Variants in TPH1 observed in about 807,000 individuals in gnomAD.
The protein encoded by TPH1 is tryptophan 5-hydroxylase 1.
In TPH1, 37 loss-of-function variants were observed where a neutral mutation model predicts 49.5. The ratio of observed to expected loss-of-function variants is 0.75; its 90% CI spans 0.58 to 0.98. TPH1 has a LOEUF of 0.98. Ranked by LOEUF, TPH1 falls within the 50% of genes least tolerant of loss-of-function variation. The probability of loss-of-function intolerance (pLI) is 0.00; values close to 1 mark genes in which losing one functional copy is unlikely to be tolerated. For synonymous variants in TPH1, 160 were observed against 182.1 expected (o/e 0.88, Z 0.98); for missense variants, 487 against 523.6 (o/e 0.93, Z 0.68).
Position 18,019,880 on chromosome 11 carries a change from T to G in TPH1, c.*1111A>C, listed in dbSNP as rs1854337847. 1 of 388,418 alleles carries G rather than the reference T, an allele frequency of 2.6e-6. No homozygotes were observed. The highest frequency in any genetic ancestry group is 2.1e-5 in the African/African-American group (1 of 47,770). The allele number at this position is 388,418 out of a possible 1,614,324, so 24.1% of individuals were successfully genotyped here. A position where few individuals can be genotyped will look rare whatever the true frequency, so the allele number is the denominator to read the frequency against. ...AACCATTCCTTGGCAATCCTTACAT[T>G]ACTTACAGTCTCAGTCCTAAACCAC... On this transcript the variant is annotated 3_prime_UTR_variant, in exon 11 of 11. Coordinates refer to ENST00000682019, the MANE Select transcript of TPH1 (RefSeq NM_004179.3).
chr11:18,031,334 T>A (rs1010259654), intron 4 of TPH1, among the ~76,000 whole-genome samples: 2 of 152,246 alleles, frequency 1.3e-5, no homozygotes, highest in African/African-American at 2.4e-5. Flanking sequence ...TTTGCTTATA[T>A]AAATATACCA....
chr11:18,037,357 CAA>C (rs149722166), intron 2 of TPH1, among the ~76,000 whole-genome samples: 296 of 132,400 alleles, frequency 2.2e-3, no homozygotes, highest in African/African-American at 3.2e-3. Context: ...GACCCTTTCT[CAA>C]AAAAAAAAAA....
intron 1 of TPH1, among the ~76,000 whole-genome samples, chr11:18,044,219 C>T (rs1252790856): frequency 2.0e-5 from 3 of 152,022 alleles, no homozygotes; most frequent in South Asian, 2.1e-4. Context: ...GTCAAGAGAG[C>T]GAGACCATCC....
intron 3 of TPH1, 148 bp from the exon 4 acceptor site, chr11:18,033,522 G>C (rs1848014448): frequency 1.5e-6 from 1 of 648,124 alleles, no homozygotes; most frequent in South Asian, 2.0e-5. Flanking sequence ...ATATGAGTTA[G>C]GTAAATTGCC....
chr11:18,038,078 G>A (rs1415810366), intron 2 of TPH1, among the ~76,000 whole-genome samples: 2 of 152,146 alleles, frequency 1.3e-5, no homozygotes, highest in African/African-American at 4.8e-5. Context: ...GAAGACGAGT[G>A]GAAAAGAAGT....
At chr11:18,043,433 C>T (rs551855754) in intron 1 of TPH1, among the ~76,000 whole-genome samples, 9 of 152,060 alleles carry the variant, frequency 5.9e-5, no homozygotes, top group African/African-American at 1.7e-4. Flanking sequence ...GGTGAAACCC[C>T]GTCTCTACTA....
Position 18,035,980 on chromosome 11 carries a change from T to C in TPH1, c.280A>G (p.Asn94Asp), listed in dbSNP as rs1848044893. 1 of 1,611,944 alleles carries C rather than the reference T, an allele frequency of 6.2e-7. No homozygotes were observed. Among genetic ancestry groups the C allele is most frequent in the Non-Finnish European group, 8.5e-7 (1 of 1,179,864 alleles). ...TNVLSVNLPD[N>D]FTLKEDGMET... is the part of the protein sequence containing the mutation. The stretch of plus-strand genomic sequence containing the variant: ...TTACCATCTTCCTTCAAAGTAAAAT[T>C]ATCTGGTAGATTCACAGAGAGAACA... The change falls in exon 3 of 11, where the codon AAT becomes GAT. Residue 94 changes from asparagine (N) to aspartate (D), a missense_variant. Physicochemically the swap from Asn to Asp is conservative, Grantham distance 23. Coordinates refer to ENST00000682019, the MANE Select transcript of TPH1 (RefSeq NM_004179.3).
Position 18,039,362 on chromosome 11 carries a change from G to A in TPH1, c.117+1284C>T, listed in dbSNP as rs1386903228. ...TTTATGGACATAAATCATGAAGTGT[G>A]GAGAGATTAATCAATTTGCCCACGA... is the stretch of plus-strand genomic sequence containing the variant. On this transcript the variant is annotated intron_variant, in intron 2 of 10. Transcript: ENST00000682019. Among the ~76,000 whole-genome samples the A allele has an allele frequency of 2.6e-5, 4 of 152,220 alleles. No homozygotes were observed. In the East Asian group the frequency reaches 5.8e-4, roughly 22 times the overall value.
At chr11:18,021,292 A>C in intron 10 of TPH1, 127 bp from the exon 11 acceptor site, 1 of 878,850 alleles carries the variant, frequency 1.1e-6, no homozygotes, top group African/African-American at 1.6e-5. Context: ...TGTACAACCA[A>C]TCTGACCTAC....
chr11:18,025,696 G>A lies in TPH1; in HGVS notation c.809C>T (p.Thr270Ile). The A allele has an allele frequency of 6.2e-7, 1 of 1,613,886 alleles. No individual in the cohort carries two copies. The highest frequency in any genetic ancestry group is 8.5e-7 in the Non-Finnish European group (1 of 1,179,800). The change falls in exon 8 of 11, where the codon ACC (threonine) becomes ATC (isoleucine). Residue 270 changes from threonine to isoleucine, a missense_variant. Coordinates refer to ENST00000682019, the MANE Select transcript of TPH1 (RefSeq NM_004179.3). ...SDPFYTPEPDTCHELLGHVPL... is the reference protein window; with the variant it reads ...SDPFYTPEPDICHELLGHVPL... ...GACATGACCTAAGAGTTCATGGCAG[G>A]TATCTCTGAAAGAGAGGTACAAGTT...
At chr11:18,036,325 AC>A (rs1774032875) in intron 2 of TPH1, among the ~76,000 whole-genome samples, 183 bp from the exon 3 acceptor site, 1 of 152,168 alleles carries the variant, frequency 6.6e-6, no homozygotes, top group South Asian at 2.1e-4. Flanking sequence ...GTATTAGAAA[AC>A]TTTTCAAAAT....
chr11:18,026,468 T>C (rs1231443714), intron 7 of TPH1, 22 bp downstream of exon 7: 17 of 1,603,568 alleles, frequency 1.1e-5, no homozygotes, highest in Non-Finnish European at 1.4e-5. Context: ...GATGAATTCC[T>C]GGCTGAAATA....
intron 1 of TPH1, among the ~76,000 whole-genome samples, chr11:18,043,466 A>T (rs1328408411): frequency 6.6e-6 from 1 of 152,088 alleles, no homozygotes; most frequent in African/African-American, 2.4e-5. Flanking sequence ...TTAGCCTGGC[A>T]TGATGACACA....
chr11:18,043,693 C>T (rs1485671836), intron 1 of TPH1, among the ~76,000 whole-genome samples: 1 of 152,014 alleles, frequency 6.6e-6, no homozygotes, highest in African/African-American at 2.4e-5. Context: ...GTATGAACAA[C>T]AACAACAAAA....
intron 5 of TPH1, 25 bp from the exon 6 acceptor site, chr11:18,029,386 G>T: frequency 6.2e-7 from 1 of 1,604,728 alleles, no homozygotes; most frequent in Non-Finnish European, 8.5e-7. Flanking sequence ...GGAAGGAGTT[G>T]TTTTGAATTA....
intron 7 of TPH1, 143 bp downstream of exon 7, chr11:18,026,347 C>T (rs1323786614): frequency 2.6e-6 from 2 of 777,956 alleles, no homozygotes; most frequent in Non-Finnish European, 4.0e-6. Flanking sequence ...TGCCAGGTAC[C>T]ATTCTAAATG....
intron 3 of TPH1, among the ~76,000 whole-genome samples, chr11:18,034,137 G>T (rs1309124438): frequency 1.3e-5 from 2 of 152,188 alleles, no homozygotes; most frequent in Non-Finnish European, 2.9e-5. Flanking sequence ...ACTGTAGGGT[G>T]GAGACTATAT....
intron 2 of TPH1, among the ~76,000 whole-genome samples, chr11:18,037,385 G>T (rs1449146115): frequency 6.6e-6 from 1 of 151,484 alleles, no homozygotes; most frequent in African/African-American, 2.4e-5. Context: ...TATTATCAGG[G>T]AACATGAGCT....
chr11:18,045,505 C>G (rs552594730), intron 1 of TPH1, among the ~76,000 whole-genome samples: 1 of 150,124 alleles, frequency 6.7e-6, no homozygotes, highest in Admixed American at 6.6e-5. Flanking sequence ...CTAACAGGCA[C>G]AAACTTTTCC....
Sources: gnomAD v4.1 joint callset for allele counts (sites outside exome capture counted in the v4.1 genomes callset) on GRCh38, gnomAD v4.1.1 for gene constraint, MANE v1.5 for transcripts, NCBI Gene and HGNC (gene_info 2026-07-23, HGNC 2026-07-21) for gene names.